Variants in KLF8 observed in about 807,000 individuals in gnomAD.
The protein encoded by KLF8 is Krueppel-like factor 8.
In KLF8, 10 loss-of-function variants were observed where a neutral mutation model predicts 18.2. The ratio of observed to expected loss-of-function variants is 0.55; its 90% CI spans 0.34 to 0.93. KLF8 has a LOEUF of 0.93. Among genes scored for constraint, KLF8 ranks in the 40% least tolerant of loss-of-function variants. The pLI is 0.02. For missense variants in KLF8, 264 were observed against 277.9 expected (o/e 0.95, Z 0.36); for synonymous variants, 109 against 97.3 (o/e 1.12, Z -0.71).
intron 5 of KLF8, among the ~76,000 whole-genome samples, chrX:56,279,911 C>T (rs181537046): frequency 1.4e-3 from 155 of 111,830 alleles, no homozygotes; most frequent in African/African-American, 4.4e-3. Flanking sequence ...TCCACAGGTT[C>T]CCTGGGACTG....
chrX:56,062,710 G>A, the KLF8 span, among the ~76,000 whole-genome samples: 1 of 111,135 alleles, frequency 9.0e-6, no homozygotes, highest in Non-Finnish European at 1.9e-5. Flanking sequence ...ATGTTGGCCT[G>A]TCTTGCTAGG....
Position 56,265,694 on chromosome X carries a change from C to T in KLF8, c.596C>T (p.Ala199Val). 1 of 1,207,401 alleles carries T rather than the reference C, an allele frequency of 8.3e-7. No homozygotes were observed. Among genetic ancestry groups the T allele is most frequent in the Non-Finnish European group, 1.1e-6 (1 of 895,088 alleles). Reference protein sequence around the residue: ...YTTLPADGGPAAITVPLIGGD... With the variant: ...YTTLPADGGPVAITVPLIGGD... Reference sequence around the variant, plus strand: ...ACTTTGCCTGCAGATGGGGGCCCTGCAGCCATTACAGTCCCACTCATTGGA... The same window carrying T: ...ACTTTGCCTGCAGATGGGGGCCCTGTAGCCATTACAGTCCCACTCATTGGA... Residue 199 changes from alanine (A) to valine (V), a missense_variant, in exon 3 of 6, where the codon GCA (alanine) becomes GTA (valine). Physicochemically the swap from Ala to Val is moderately conservative, Grantham distance 64. Transcript: ENST00000468660.
At chrX:56,116,625 T>C in the KLF8 span, among the ~76,000 whole-genome samples, 2 of 64,860 alleles carry the variant, frequency 3.1e-5, no homozygotes, top group East Asian at 9.2e-4. Flanking sequence ...GTATACAGTA[T>C]GATGTTCTGA....
chrX:56,133,661 C>A, the KLF8 span, among the ~76,000 whole-genome samples: 1 of 111,167 alleles, frequency 9.0e-6, no homozygotes, highest in Non-Finnish European at 1.9e-5. Flanking sequence ...GAAGTCCTAG[C>A]CAGAGCAATC....
chrX:56,042,973 T>C, the KLF8 span, among the ~76,000 whole-genome samples: 1 of 112,281 alleles, frequency 8.9e-6, no homozygotes, highest in Admixed American at 9.5e-5. Context: ...TTCTTTTTTA[T>C]AGTGCTTCCT....
the KLF8 span, among the ~76,000 whole-genome samples, chrX:55,936,411 C>T: frequency 1.8e-5 from 2 of 112,190 alleles, no homozygotes; most frequent in South Asian, 3.7e-4. Context: ...CCAAGATGGC[C>T]GAATAGGAAA....
the KLF8 span, among the ~76,000 whole-genome samples, chrX:56,205,333 T>C: frequency 8.9e-6 from 1 of 112,245 alleles, no homozygotes; most frequent in East Asian, 2.8e-4. Flanking sequence ...CATCACTGCA[T>C]TTCATTATGG....
chrX:56,108,452 GAGA>G, the KLF8 span, among the ~76,000 whole-genome samples: 11 of 111,870 alleles, frequency 9.8e-5, no homozygotes, highest in African/African-American at 3.2e-4. Context: ...TGCATCAACT[GAGA>G]AGATTATGTT....
chrX:55,980,879 G>C, the KLF8 span, among the ~76,000 whole-genome samples: 497 of 112,192 alleles, frequency 4.4e-3, 1 homozygote, highest in African/African-American at 0.015. Context: ...TCCTTTTACC[G>C]TTTGAAGTCT....
At chrX:56,047,645 T>G in the KLF8 span, among the ~76,000 whole-genome samples, 2 of 111,499 alleles carry the variant, frequency 1.8e-5, no homozygotes, top group Admixed American at 1.9e-4. Context: ...TGTGCCACAT[T>G]TTCTTAATCC....
the KLF8 span, among the ~76,000 whole-genome samples, chrX:56,185,364 T>A: frequency 9.9e-4 from 111 of 111,910 alleles, no homozygotes; most frequent in African/African-American, 3.5e-3. Flanking sequence ...CCAAGAAATA[T>A]GGGACAATGT....
chrX:56,018,722 A>C, the KLF8 span, among the ~76,000 whole-genome samples: 1 of 111,421 alleles, frequency 9.0e-6, no homozygotes, highest in Admixed American at 9.6e-5. Context: ...AAAAATTGCC[A>C]TTTTTGTAGG....
intron 1 of KLF8, among the ~76,000 whole-genome samples, chrX:56,233,911 G>A (rs1215220332): frequency 3.6e-5 from 4 of 111,620 alleles, no homozygotes; most frequent in Admixed American, 9.4e-5. Flanking sequence ...AGCTTGGTTG[G>A]AGAAGGAAGC....
the KLF8 span, among the ~76,000 whole-genome samples, chrX:56,138,518 C>A: frequency 1.8e-5 from 2 of 111,403 alleles, no homozygotes; most frequent in Non-Finnish European, 3.8e-5. Context: ...TAAACATACA[C>A]AAATCAATAT....
chrX:56,233,127 C>G lies in KLF8; in HGVS notation c.-208C>G, dbSNP rs2066422271. 1 of 458,647 alleles carries G rather than the reference C, an allele frequency of 2.2e-6. No individual in the cohort carries two copies. Among genetic ancestry groups the G allele is most frequent in the African/African-American group, 2.4e-5 (1 of 41,826 alleles). 37.8% of individuals were successfully genotyped at this position (458,647 alleles called of 1,213,427 possible). ...GCCCAGCTGGGTCTGAATCGACTCC[C>G]TCCCCTTTCGACCCCCTCCTCATTT... On this transcript the variant is annotated 5_prime_UTR_variant, in exon 1 of 6. Coordinates refer to ENST00000468660, the MANE Select transcript of KLF8 (RefSeq NM_007250.5).
chrX:56,074,759 G>A, the KLF8 span: 1 of 129,376 alleles, frequency 7.7e-6, no homozygotes, highest in African/African-American at 3.2e-5. Flanking sequence ...GATTATTCAG[G>A]CTATGTAAGG....
At chrX:55,944,574 C>T in the KLF8 span, among the ~76,000 whole-genome samples, 4 of 111,538 alleles carry the variant, frequency 3.6e-5, no homozygotes, top group Admixed American at 9.5e-5. Context: ...GTGTATGTGT[C>T]GAGGAATTTA....
the KLF8 span, among the ~76,000 whole-genome samples, chrX:56,113,307 T>G: frequency 2.2e-4 from 24 of 107,571 alleles, no homozygotes; most frequent in South Asian, 1.6e-3. Context: ...CTTTCATGGT[T>G]TTTTTTTTTG....
chrX:55,917,142 T>C, the KLF8 span, among the ~76,000 whole-genome samples: 539 of 112,384 alleles, frequency 4.8e-3, 4 homozygotes, highest in African/African-American at 0.016. Flanking sequence ...AATAGAATTG[T>C]TCTGACTTCC....
Sources: gnomAD v4.1 joint callset for allele counts (sites outside exome capture counted in the v4.1 genomes callset) on GRCh38, gnomAD v4.1.1 for gene constraint, MANE v1.5 for transcripts, NCBI Gene and HGNC (gene_info 2026-07-23, HGNC 2026-07-21) for gene names.